Variants in ATM observed in about 807,000 individuals in gnomAD.
The protein encoded by ATM is serine-protein kinase ATM.
A neutral mutation model predicts 387.0 loss-of-function variants in ATM; 308 were observed. The observed-to-expected ratio is 0.80, with a 90% CI of 0.73 to 0.87. ATM has a LOEUF of 0.87. ATM is among the 40% of genes least tolerant of loss of function. The pLI, the probability that ATM is intolerant of heterozygous loss-of-function variation, is 0.00. For missense variants in ATM, 3,312 were observed against 3,560.9 expected (o/e 0.93, Z 1.78); for synonymous variants, 1,156 against 1,187.3 (o/e 0.97, Z 0.54).
rs199883473 is a variant in ATM at position 108,272,849 on chromosome 11, A to G, written c.3281A>G (p.Asn1094Ser). The G allele has an allele frequency of 7.4e-6, 12 of 1,613,888 alleles. No individual in the cohort carries two copies. Among genetic ancestry groups the G allele is most frequent in the Middle Eastern group, 1.6e-4 (1 of 6,080 alleles). ...QVRMLAAESI[N>S]RLFQDTKGDS... ...CGCATGTTGGCTGCAGAGTCAATCA[A>G]TAGGTAATGGGTCAAATATTCATGA... Residue 1094 changes from asparagine (N) to serine (S), a missense_variant, in exon 22 of 63, where the codon AAT (asparagine) becomes AGT (serine). Transcript: ENST00000675843.
intron 16 of ATM, among the ~76,000 whole-genome samples, chr11:108,259,306 G>A (rs1317483778): frequency 6.6e-6 from 1 of 151,990 alleles, no homozygotes; most frequent in Non-Finnish European, 1.5e-5. Flanking sequence ...TGGCTAACAC[G>A]GTGAAACCCC....
intron 53 of ATM, 84 bp downstream of exon 53, chr11:108,332,984 A>G: frequency 6.7e-7 from 1 of 1,491,722 alleles, no homozygotes; most frequent in South Asian, 1.2e-5. Context: ...CCTAATAAGT[A>G]AATCTGCTTA....
rs139562281 is a variant in ATM at position 108,322,257 on chromosome 11, C to T, written c.6572+837C>T. Among the ~76,000 whole-genome samples, 1,224 of 152,190 alleles carry T rather than the reference C, an allele frequency of 8.0e-3. 7 individuals are homozygous for T. Among genetic ancestry groups the T allele is most frequent in the African/African-American group, 0.025 (1,048 of 41,524 alleles). The stretch of plus-strand genomic sequence containing the variant: ...GCAGTCTCCACCTCCCAGGTTCAAG[C>T]GATTCTCCTGCCTCAGCCTCCCGAG... On this transcript the variant is annotated intron_variant, in intron 45 of 62. Coordinates refer to ENST00000675843, the MANE Select transcript of ATM (RefSeq NM_000051.4).
chr11:108,297,433 T>C (rs1212509411), intron 33 of ATM, 51 bp downstream of exon 33: 2 of 1,377,466 alleles, frequency 1.5e-6, no homozygotes, highest in Admixed American at 1.7e-5. Flanking sequence ...GCGGATCACA[T>C]ATAGGACAGA....
chr11:108,287,545 C>T, intron 26 of ATM, 55 bp from the exon 27 acceptor site: 2 of 1,191,642 alleles, frequency 1.7e-6, no homozygotes, highest in South Asian at 2.6e-5. Flanking sequence ...TTTGAGCTGT[C>T]TTGACGTTCA....
At position 108,317,354 on chromosome 11, in the gene ATM, C is replaced by T. The variant is rs1253016340; in HGVS notation, c.6199-19C>T. On this transcript the variant is annotated intron_variant, in intron 42 of 62. Transcript: ENST00000675843. ...TATCTTTGATTACTTAACTTAAAAA[C>T]AAAATAACTCCTGTTTAGGCCTTGC... is the stretch of plus-strand genomic sequence containing the variant. 6.2e-7 allele frequency: 1 copy of T among 1,606,010 alleles called. No individual in the cohort carries two copies. The highest frequency in any genetic ancestry group is 1.3e-5 in the African/African-American group (1 of 74,510).
At position 108,317,618 on chromosome 11, in the gene ATM, TATA is replaced by T. The variant is rs2084820139; in HGVS notation, c.6347+98_6347+100del. ...TATGAATATAACAGGAGTTGTTTTA[TATA>T]TATATATATATATATATATATATAT... On this transcript the variant is annotated intron_variant, in intron 43 of 62. Transcript: ENST00000675843. 3.0e-4 allele frequency: 8 copies of T among 26,754 alleles called. No homozygotes were observed. The South Asian group carries it at 7.3e-3, about 24-fold the overall frequency. The allele number at this position is 26,754 out of a possible 1,614,324, so 1.7% of individuals were successfully genotyped here.
chr11:108,361,085 C>A (rs1410153466), intron 61 of ATM, among the ~76,000 whole-genome samples: 10 of 130,586 alleles, frequency 7.7e-5, no homozygotes, highest in African/African-American at 2.7e-4. Flanking sequence ...AGCTGATAAG[C>A]AACTTCAGCA....
intron 50 of ATM, 190 bp from the exon 51 acceptor site, chr11:108,331,254 T>C (rs1274904829): frequency 1.5e-6 from 2 of 1,310,410 alleles, no homozygotes; most frequent in Non-Finnish European, 1.9e-6. Flanking sequence ...TACCAATGCA[T>C]TAATCTAGAG....
chr11:108,341,184 A>G (rs1047051764), intron 56 of ATM, among the ~76,000 whole-genome samples: 2 of 151,900 alleles, frequency 1.3e-5, no homozygotes, highest in South Asian at 2.1e-4. Flanking sequence ...GTCTTTTGCA[A>G]TTGCTTAGAC....
Position 108,247,133 on chromosome 11 carries a change from G to A in ATM, c.1065+6G>A, listed in dbSNP as rs1249648617. 6.2e-7 allele frequency: 1 copy of A among 1,613,492 alleles called. No individual in the cohort carries two copies. The highest frequency in any genetic ancestry group is 1.1e-5 in the South Asian group (1 of 90,982). On this transcript the variant is annotated splice_donor_region_variant and intron_variant, in intron 8 of 62. Transcript: ENST00000675843. ...TGGCAGATATCTGTCACCAGGTACA[G>A]TAAGTAGGTCATGTCACATTTAGAA...
At chr11:108,247,555 T>C (rs2079914965) in intron 8 of ATM, among the ~76,000 whole-genome samples, 1 of 152,190 alleles carries the variant, frequency 6.6e-6, no homozygotes, top group Non-Finnish European at 1.5e-5. Context: ...ATTTTTACTA[T>C]GTTGTACAAC....
intron 58 of ATM, 129 bp from the exon 59 acceptor site, chr11:108,347,148 ATT>A: frequency 2.6e-6 from 2 of 762,616 alleles, no homozygotes; most frequent in East Asian, 5.2e-5. Flanking sequence ...TATGCACATC[ATT>A]TAAGTAGGCT....
intron 56 of ATM, among the ~76,000 whole-genome samples, chr11:108,342,715 A>G (rs1001509871): frequency 1.3e-5 from 2 of 152,184 alleles, no homozygotes; most frequent in African/African-American, 4.8e-5. Flanking sequence ...TTTCCTAGTA[A>G]AGTTGCTTAT....
intron 10 of ATM, 24 bp from the exon 11 acceptor site, chr11:108,251,813 C>A (rs370577686): frequency 2.5e-6 from 4 of 1,612,926 alleles, no homozygotes; most frequent in Non-Finnish European, 3.4e-6. Flanking sequence ...TTGCTTTTCA[C>A]AATTGTCCTT....
intron 9 of ATM, among the ~76,000 whole-genome samples, chr11:108,250,146 AT>A: frequency 6.8e-5 from 2 of 29,362 alleles, no homozygotes; most frequent in Admixed American, 9.6e-4. Flanking sequence ...TGCTAAATAT[AT>A]ATATATATAT....
At chr11:108,328,935 T>G (rs527558644) in intron 48 of ATM, 86 bp from the exon 49 acceptor site, 1 of 1,353,904 alleles carries the variant, frequency 7.4e-7, no homozygotes, top group African/African-American at 1.5e-5. Flanking sequence ...TAAGTTAAAT[T>G]TTAGTGTATT....
At chr11:108,304,586 G>A in intron 36 of ATM, 89 bp from the exon 37 acceptor site, 1 of 1,270,786 alleles carries the variant, frequency 7.9e-7, no homozygotes, top group African/African-American at 1.5e-5. Flanking sequence ...AATTTAATAT[G>A]TCAACGGGGC....
intron 42 of ATM, among the ~76,000 whole-genome samples, chr11:108,316,752 A>AT (rs2084687050): frequency 9.5e-6 from 1 of 105,174 alleles, no homozygotes; most frequent in Non-Finnish European, 2.0e-5. Flanking sequence ...TACTAAAAAT[A>AT]CAAAAAAAAA....
Sources: gnomAD v4.1 joint callset for allele counts (sites outside exome capture counted in the v4.1 genomes callset) on GRCh38, gnomAD v4.1.1 for gene constraint, MANE v1.5 for transcripts, NCBI Gene and HGNC (gene_info 2026-07-23, HGNC 2026-07-21) for gene names.